The following SEMA6D variants were observed in gnomAD, a reference collection of about 807,000 sequenced individuals.
The protein encoded by SEMA6D is semaphorin-6D.
In SEMA6D, 35 loss-of-function variants were observed where a neutral mutation model predicts 106.6. That is an observed-to-expected ratio of 0.33 (90% CI 0.25 to 0.44). The LOEUF is 0.44. SEMA6D is among the 20% of genes least tolerant of loss of function. The pLI is 1.00. For missense variants in SEMA6D, 1,185 were observed against 1,345.9 expected (o/e 0.88, Z 1.87); for synonymous variants, 499 against 487.7 (o/e 1.02, Z -0.31).
Position 47,765,944 on chromosome 15 carries a change from G to A in SEMA6D, c.1503G>A (p.Val501=). 6.3e-7 allele frequency: 1 copy of A among 1,586,074 alleles called. No homozygotes were observed. Among genetic ancestry groups the A allele is most frequent in the South Asian group, 1.2e-5 (1 of 85,526 alleles). Residue 501 remains valine, a synonymous_variant, in exon 14 of 19, where the codon GTG becomes GTA. Transcript: ENST00000536845. ...ATAAAGATCACCACGCTTTATATGT[G>A]GCGTTCTCTAGCTGCATTATCCGCA... is the stretch of plus-strand genomic sequence containing the variant. ...QLDKDHHALY[V]AFSSCIIRIP...
At chr15:47,747,963 ATCTCAGGAATAGCCTGCTTTCCT>A (rs1259069610) in intron 1 of SEMA6D, among the ~76,000 whole-genome samples, 4 of 152,184 alleles carry the variant, frequency 2.6e-5, no homozygotes, top group Admixed American at 6.5e-5. Context: ...CCACTCTCTA[ATCTCAGGAATAGCCTGCTTTCCT>A]TCCCTTTGTT....
intron 1 of SEMA6D, among the ~76,000 whole-genome samples, chr15:47,742,162 G>A (rs1011587506): frequency 1.3e-5 from 2 of 152,208 alleles, no homozygotes; most frequent in African/African-American, 4.8e-5. Context: ...AAGTGTAAAC[G>A]ATGTCAGTAC....
chr15:47,292,565 G>A lies in SEMA6D; in HGVS notation c.-239+108147G>A, dbSNP rs74013778. Among the ~76,000 whole-genome samples, 675 of 152,190 alleles carry A rather than the reference G, an allele frequency of 4.4e-3. 3 individuals carry two copies. Among genetic ancestry groups the A allele is most frequent in the African/African-American group, 0.016 (655 of 41,510 alleles). On this transcript the variant is annotated intron_variant, in intron 1 of 19. Coordinates refer to the SEMA6D transcript ENST00000558014. ...AAAGCTTGTTAACCATGGATTTGATGAGCCGGGTCCTGAGATCTGAACTGG... is the reference window on the plus strand; with the variant it reads ...AAAGCTTGTTAACCATGGATTTGATAAGCCGGGTCCTGAGATCTGAACTGG...
rs2041637255 is a variant in SEMA6D at position 47,434,426 on chromosome 15, C to G, written c.-159+21954C>G. Among the ~76,000 whole-genome samples the G allele has an allele frequency of 2.0e-5, 3 of 152,042 alleles. No homozygotes were observed. In the South Asian group the frequency reaches 6.2e-4, roughly 32 times the overall value. The stretch of plus-strand genomic sequence containing the variant: ...TCCTGGCTCTAAAGAAGTGAGCTAT[C>G]TGAGTCAAAGCAGATATTTTTTTTC... On this transcript the variant is annotated intron_variant, in intron 2 of 19. Coordinates refer to the SEMA6D transcript ENST00000558014.
intron 3 of SEMA6D, among the ~76,000 whole-genome samples, chr15:47,500,004 A>G (rs1288103719): frequency 6.6e-6 from 1 of 152,140 alleles, no homozygotes; most frequent in African/African-American, 2.4e-5. Flanking sequence ...GATAAGCTCA[A>G]ACACTCCCAT....
At chr15:47,496,562 ACC>A (rs1370399121) in intron 3 of SEMA6D, among the ~76,000 whole-genome samples, 2 of 152,024 alleles carry the variant, frequency 1.3e-5, no homozygotes, top group African/African-American at 4.8e-5. Context: ...TGACTCAGTC[ACC>A]TTTGATCTCA....
At chr15:47,348,726 A>AC (rs2038178422) in intron 1 of SEMA6D, among the ~76,000 whole-genome samples, 5 of 49,210 alleles carry the variant, frequency 1.0e-4, no homozygotes, top group Admixed American at 2.5e-4. Flanking sequence ...CACCACACAC[A>AC]CAGAGAGAGA....
intron 1 of SEMA6D, among the ~76,000 whole-genome samples, chr15:47,399,956 T>A (rs1004109173): frequency 1.3e-5 from 2 of 152,222 alleles, no homozygotes; most frequent in African/African-American, 2.4e-5. Flanking sequence ...GGATCCTAAA[T>A]CAGAGAAAGC....
intron 1 of SEMA6D, among the ~76,000 whole-genome samples, chr15:47,290,735 A>G (rs114321474): frequency 6.6e-6 from 1 of 152,196 alleles, no homozygotes; most frequent in East Asian, 1.9e-4. Flanking sequence ...TGAGGCAATA[A>G]AAATGACCGC....
intron 1 of SEMA6D, among the ~76,000 whole-genome samples, chr15:47,342,640 G>A (rs544758971): frequency 7.9e-5 from 12 of 152,254 alleles, no homozygotes; most frequent in Non-Finnish European, 1.5e-4. Context: ...AGTTATCTTA[G>A]TGCAGTGATT....
At chr15:47,655,204 C>T (rs899327802) in intron 4 of SEMA6D, among the ~76,000 whole-genome samples, 4 of 152,186 alleles carry the variant, frequency 2.6e-5, no homozygotes, top group South Asian at 2.1e-4. Flanking sequence ...TCAATGGATC[C>T]GAACCTAGCT....
intron 1 of SEMA6D, among the ~76,000 whole-genome samples, chr15:47,360,950 T>C (rs1438216505): frequency 6.6e-6 from 1 of 152,236 alleles, no homozygotes; most frequent in African/African-American, 2.4e-5. Flanking sequence ...TGGGTCCATC[T>C]TTGCCTCTTG....
Position 47,753,172 on chromosome 15 carries a change from C to A in SEMA6D, c.-54-6573C>A, listed in dbSNP as rs1364775965. On this transcript the variant is annotated intron_variant, in intron 1 of 18. Coordinates refer to ENST00000536845, the MANE Select transcript of SEMA6D (RefSeq NM_001358351.3). Reference sequence around the variant, plus strand: ...AGTGTGGAGACATAGCAGATCAGGGCCTTGAGGAAAGTGGGAAATTTACAT... The same window carrying A: ...AGTGTGGAGACATAGCAGATCAGGGACTTGAGGAAAGTGGGAAATTTACAT... Among the ~76,000 whole-genome samples the A allele has an allele frequency of 1.6e-4, 25 of 151,904 alleles. 1 individual carries two copies.
At chr15:47,514,533 G>GGGT (rs2044327005) in intron 3 of SEMA6D, among the ~76,000 whole-genome samples, 1 of 152,142 alleles carries the variant, frequency 6.6e-6, no homozygotes, top group African/African-American at 2.4e-5. Flanking sequence ...AGCGGCTTTA[G>GGGT]TCAAATACTT....
chr15:47,491,098 A>C (rs1044303278), intron 3 of SEMA6D, among the ~76,000 whole-genome samples: 1 of 152,152 alleles, frequency 6.6e-6, no homozygotes, highest in African/African-American at 2.4e-5. Context: ...ACACATATAC[A>C]CGTACGTACA....
chr15:47,487,623 G>A lies in SEMA6D; in HGVS notation c.-87+17078G>A, dbSNP rs60942208. 9.5e-3 allele frequency among the ~76,000 whole-genome samples: 1,442 copies of A among 152,134 alleles called. 31 individuals are homozygous for A. The highest frequency in any genetic ancestry group is 0.034 in the African/African-American group (1,391 of 41,478). On this transcript the variant is annotated intron_variant, in intron 3 of 19. Coordinates refer to the SEMA6D transcript ENST00000558014. ...TCACTTTTCTATGTCAGTAGATATGGATCTATTTCATTCTTTTGATGGCTG... is the reference window on the plus strand; with the variant it reads ...TCACTTTTCTATGTCAGTAGATATGAATCTATTTCATTCTTTTGATGGCTG...
chr15:47,456,806 TAGC>T (rs1179937498), intron 2 of SEMA6D, among the ~76,000 whole-genome samples: 1 of 151,938 alleles, frequency 6.6e-6, no homozygotes, highest in Non-Finnish European at 1.5e-5. Flanking sequence ...CCCCTGTAGT[TAGC>T]AGATGGATTT....
intron 1 of SEMA6D, among the ~76,000 whole-genome samples, chr15:47,329,461 A>G (rs762256600): frequency 2.0e-5 from 3 of 152,250 alleles, no homozygotes; most frequent in African/African-American, 4.8e-5. Context: ...AAACAGGCGT[A>G]TAAGGTTCTG....
At chr15:47,340,191 G>A (rs1439355983) in intron 1 of SEMA6D, among the ~76,000 whole-genome samples, 1 of 152,182 alleles carries the variant, frequency 6.6e-6, no homozygotes, top group Non-Finnish European at 1.5e-5. Context: ...AGATAATGCA[G>A]TCTCAGAGCT....
Sources: allele counts gnomAD v4.1 joint callset (sites outside exome capture counted in the v4.1 genomes callset), GRCh38; gene constraint gnomAD v4.1.1; transcripts MANE v1.5; gene names NCBI Gene and HGNC (gene_info 2026-07-23, HGNC 2026-07-21).